EFHC1: variants seen among roughly 807,000 people sequenced by gnomAD.
The protein encoded by EFHC1 is EF-hand domain-containing protein 1.
EFHC1 carries 53 observed loss-of-function variants against 69.9 expected under a neutral mutation model. The observed-to-expected ratio is 0.76, with a 90% CI of 0.61 to 0.95. The LOEUF is 0.95. Ranked by LOEUF, EFHC1 falls within the 40% of genes least tolerant of loss-of-function variation. EFHC1 has a pLI of 0.00. For synonymous variants in EFHC1, 256 were observed against 278.4 expected (o/e 0.92, Z 0.80); for missense variants, 739 against 798.7 (o/e 0.93, Z 0.90).
In EFHC1 at chr6:52,433,038, T is replaced by G. The variant is rs151313199; in HGVS notation, c.286-5266T>G. On this transcript the variant is annotated intron_variant, in intron 2 of 10. Coordinates refer to ENST00000371068, the MANE Select transcript of EFHC1 (RefSeq NM_018100.4). ...CACATCCATTGTTTCCTGAAGTTTTTATTGTTTTTTATTTATGCTATTTCA... is the reference window on the plus strand; with the variant it reads ...CACATCCATTGTTTCCTGAAGTTTTGATTGTTTTTTATTTATGCTATTTCA... Among the ~76,000 whole-genome samples the G allele has an allele frequency of 5.5e-3, 838 of 152,174 alleles. 8 individuals carry two copies. The highest frequency in any genetic ancestry group is 0.019 in the African/African-American group (788 of 41,536).
intron 5 of EFHC1, among the ~76,000 whole-genome samples, chr6:52,464,395 A>C (rs1021519747): frequency 6.6e-6 from 1 of 152,216 alleles, no homozygotes; most frequent in Non-Finnish European, 1.5e-5. Context: ...CTCCCCAAAG[A>C]GAATATTTTC....
At chr6:52,447,500 G>A (rs1764813732) in intron 3 of EFHC1, among the ~76,000 whole-genome samples, 1 of 152,100 alleles carries the variant, frequency 6.6e-6, no homozygotes, top group African/African-American at 2.4e-5. Flanking sequence ...TCTTTGCGAT[G>A]GGTTCGAACA....
Position 52,464,890 on chromosome 6 carries a change from A to AT in EFHC1, c.917-3dup, listed in dbSNP as rs770295684. 1.2e-6 allele frequency: 2 copies of AT among 1,610,902 alleles called. No individual in the cohort carries two copies. Among genetic ancestry groups the AT allele is most frequent in the Non-Finnish European group, 1.7e-6 (2 of 1,177,096 alleles). On this transcript the variant is annotated splice_polypyrimidine_tract_variant and splice_region_variant and intron_variant, in intron 5 of 10. Transcript: ENST00000371068. ...TTTTTTCTCTCTAACACCATCTTAT[A>AT]TTAGAGAACTTCCCTCAGTGTGTGC...
chr6:52,496,087 G>A lies in EFHC1; in HGVS notation c.*3746G>A. ...AGCTGGCATGCATCTGGAGTGTCAG[G>A]TTCAGGTGGTGGAAGGGAGCTGAGC... On this transcript the variant is annotated 3_prime_UTR_variant, in exon 11 of 11. Transcript: ENST00000371068. 2 of 176,128 alleles carry A rather than the reference G, an allele frequency of 1.1e-5. No individual in the cohort carries two copies. The highest frequency in any genetic ancestry group is 2.6e-4 in the South Asian group (2 of 7,712). 10.9% of individuals were successfully genotyped at this position (176,128 alleles called of 1,614,324 possible).
chr6:52,442,212 G>A (rs1006110879), intron 3 of EFHC1, among the ~76,000 whole-genome samples: 31 of 152,054 alleles, frequency 2.0e-4, no homozygotes, highest in Non-Finnish European at 2.9e-5. Context: ...GCTTTTCCCT[G>A]TTCAATATAA....
intron 6 of EFHC1, among the ~76,000 whole-genome samples, chr6:52,466,677 T>C (rs571265050): frequency 6.6e-6 from 1 of 152,352 alleles, no homozygotes; most frequent in South Asian, 2.1e-4. Flanking sequence ...AGGTATATAA[T>C]ATGTTTCTTG....
At chr6:52,421,013 C>T in intron 1 of EFHC1, 1 of 1,015,962 alleles carries the variant, frequency 9.8e-7, no homozygotes, top group Non-Finnish European at 1.2e-6. Context: ...CTCCCACTCC[C>T]AGCTCCATTT....
intron 5 of EFHC1, among the ~76,000 whole-genome samples, chr6:52,461,023 G>A (rs1342260512): frequency 6.6e-6 from 1 of 152,188 alleles, no homozygotes; most frequent in African/African-American, 2.4e-5. Flanking sequence ...ATGTATTACA[G>A]TAATAGCATA....
chr6:52,468,184 G>A (rs1765352021), intron 6 of EFHC1, among the ~76,000 whole-genome samples: 1 of 152,218 alleles, frequency 6.6e-6, no homozygotes, highest in Non-Finnish European at 1.5e-5. Flanking sequence ...CCTGAAAGCA[G>A]TATCTGAAGG....
At chr6:52,420,551 C>A in intron 1 of EFHC1, 78 bp downstream of exon 1, 2 of 1,514,636 alleles carry the variant, frequency 1.3e-6, no homozygotes, top group Non-Finnish European at 1.8e-6. Flanking sequence ...AGTGCACCTC[C>A]ATTCCCCTCC....
chr6:52,478,901 A>G (rs1046956608), intron 7 of EFHC1, 136 bp from the exon 8 acceptor site: 24 of 814,724 alleles, frequency 2.9e-5, no homozygotes, highest in Middle Eastern at 3.6e-4. Context: ...GAGTTTCCCC[A>G]TAGATGGTTT....
At chr6:52,453,867 CTT>C (rs1562452992) in intron 4 of EFHC1, 4 of 1,370,344 alleles carry the variant, frequency 2.9e-6, no homozygotes, top group Non-Finnish European at 3.8e-6. Flanking sequence ...TTGGCACAAA[CTT>C]ATAATCCTAT....
At chr6:52,486,395 CAT>C (rs1233170466) in intron 9 of EFHC1, 1 of 152,184 alleles carries the variant, frequency 6.6e-6, no homozygotes, top group Non-Finnish European at 1.5e-5. Flanking sequence ...AGGAAATCCA[CAT>C]GTGTGAATAG....
chr6:52,448,941 A>T (rs1440870985), intron 3 of EFHC1, among the ~76,000 whole-genome samples: 1 of 152,200 alleles, frequency 6.6e-6, no homozygotes. Context: ...GGATATTTGC[A>T]TTGATGTTCA....
chr6:52,473,101 G>C (rs760270359), intron 7 of EFHC1, among the ~76,000 whole-genome samples: 1 of 152,208 alleles, frequency 6.6e-6, no homozygotes, highest in Non-Finnish European at 1.5e-5. Flanking sequence ...TCTTGGAGAA[G>C]AGCAAGATCA....
At position 52,493,774 on chromosome 6, in the gene EFHC1, C is replaced by G. The variant is rs1439683556; in HGVS notation, c.*1433C>G. On this transcript the variant is annotated 3_prime_UTR_variant, in exon 11 of 11. Transcript: ENST00000371068. The stretch of plus-strand genomic sequence containing the variant: ...TCTGACTGGCTTTTTACAAACAGGG[C>G]TTCTCTTTGGTTGAAGTCAGCCACT... 2 of 454,050 alleles carry G rather than the reference C, an allele frequency of 4.4e-6. No individual in the cohort carries two copies. The highest frequency in any genetic ancestry group is 3.1e-5 in the South Asian group (2 of 64,472). The allele number at this position is 454,050 out of a possible 1,614,324, so 28.1% of individuals were successfully genotyped here. A position where few individuals can be genotyped will look rare whatever the true frequency, so the allele number is the denominator to read the frequency against.
intron 3 of EFHC1, among the ~76,000 whole-genome samples, chr6:52,445,107 G>A (rs1764751022): frequency 6.7e-6 from 1 of 149,998 alleles, no homozygotes; most frequent in African/African-American, 2.5e-5. Flanking sequence ...AGTATTTTCT[G>A]ATGGTAGGTT....
At chr6:52,441,233 G>A (rs1423792936) in intron 3 of EFHC1, among the ~76,000 whole-genome samples, 2 of 152,076 alleles carry the variant, frequency 1.3e-5, no homozygotes, top group African/African-American at 4.8e-5. Context: ...GAATAGTGTT[G>A]CCTTGGTTGT....
rs746820461 is a variant in EFHC1 at position 52,464,881 on chromosome 6, C to G, written c.917-14C>G. The G allele has an allele frequency of 1.1e-5, 18 of 1,604,830 alleles. No individual in the cohort carries two copies. In the South Asian group the frequency reaches 1.9e-4, roughly 17 times the overall value. On this transcript the variant is annotated splice_polypyrimidine_tract_variant and intron_variant, in intron 5 of 10. Coordinates refer to ENST00000371068, the MANE Select transcript of EFHC1 (RefSeq NM_018100.4). The stretch of plus-strand genomic sequence containing the variant: ...ATTCCTTCTTTTTTTCTCTCTAACA[C>G]CATCTTATATTAGAGAACTTCCCTC...
Sources: allele counts gnomAD v4.1 joint callset (sites outside exome capture counted in the v4.1 genomes callset), GRCh38; gene constraint gnomAD v4.1.1; transcripts MANE v1.5; gene names NCBI Gene and HGNC (gene_info 2026-07-23, HGNC 2026-07-21).